HERC1: variants seen among roughly 807,000 people sequenced by gnomAD.
HERC1 encodes probable E3 ubiquitin-protein ligase HERC1.
A neutral mutation model predicts 554.3 loss-of-function variants in HERC1; 160 were observed. The observed-to-expected ratio is 0.29, with a 90% CI of 0.25 to 0.33. The LOEUF (loss-of-function observed/expected upper bound fraction) is 0.33. Among genes scored for constraint, HERC1 ranks in the 10% least tolerant of loss-of-function variants. The pLI is 1.00. For synonymous variants in HERC1, 2,175 were observed against 2,131.7 expected, an observed-to-expected ratio of 1.02 and a Z score of -0.56; for missense variants, 4,919 against 5,918.5, an observed-to-expected ratio of 0.83 and a Z score of 5.54.
In HERC1 at chr15:63,680,163, A is replaced by G; in HGVS notation, c.6466-3T>C. On this transcript the variant is annotated splice_polypyrimidine_tract_variant and splice_region_variant and intron_variant, in intron 35 of 77. Transcript: ENST00000443617. This position sits in a 1 kb window ranked among gnomAD's most constrained non-coding sequence, Gnocchi z 5.8. ...TCTTCAAAAGCTAATTTGGGTTCCT[A>G]CAGTGTGGCAGCAGTGAGGAAAAGA... 1.2e-6 allele frequency: 2 copies of G among 1,610,820 alleles called. No homozygotes were observed. Among genetic ancestry groups the G allele is most frequent in the Non-Finnish European group, 1.7e-6 (2 of 1,177,446 alleles).
intron 12 of HERC1, among the ~76,000 whole-genome samples, chr15:63,740,052 A>T (rs2074732300): frequency 6.6e-6 from 1 of 152,094 alleles, no homozygotes; most frequent in African/African-American, 2.4e-5. Flanking sequence ...CTGGGACTAC[A>T]GGCATGCGCC....
rs1328310008 is a variant in HERC1 at position 63,775,672 on chromosome 15, A to T, written c.-26-23T>A. ...GTCCTGCAAAGGGAGAAGAGAAAAC[A>T]GTCAAAAACATACAGAGGACTCATA... On this transcript the variant is annotated intron_variant, in intron 1 of 77. Transcript: ENST00000443617. This position sits in a 1 kb window ranked among gnomAD's most constrained non-coding sequence, Gnocchi z 4.0. The T allele has an allele frequency of 7.2e-7, 1 of 1,387,874 alleles. No individual in the cohort carries two copies. Among genetic ancestry groups the T allele is most frequent in the African/African-American group, 1.4e-5 (1 of 69,062 alleles). The allele number at this position is 1,387,874 out of a possible 1,614,324, so 86.0% of individuals were successfully genotyped here.
chr15:63,829,499 T>TATATATATATATATATACACAC (rs1336272062), intron 1 of HERC1, among the ~76,000 whole-genome samples: 1 of 53,370 alleles, frequency 1.9e-5, no homozygotes, highest in Admixed American at 1.8e-4. Flanking sequence ...TATATATATA[T>TATATATATATATATATACACAC]ACACACACAC....
At chr15:63,708,517 T>C (rs1205796399) in intron 24 of HERC1, among the ~76,000 whole-genome samples, 3 of 152,152 alleles carry the variant, frequency 2.0e-5, no homozygotes, top group Admixed American at 6.5e-5. Context: ...AGCTAGGGAA[T>C]AGACTAGAAG....
chr15:63,630,523 T>C lies in HERC1; in HGVS notation c.12909A>G (p.Thr4303=). 1 of 1,614,002 alleles carries C rather than the reference T, an allele frequency of 6.2e-7. No individual in the cohort carries two copies. Among genetic ancestry groups the C allele is most frequent in the Non-Finnish European group, 8.5e-7 (1 of 1,179,872 alleles). The change falls in exon 69 of 78, where the codon ACA becomes ACG. Residue 4303 remains threonine, a synonymous_variant. Transcript: ENST00000443617. ...IEDVAVGAEH[T]LALASNGDVY... ...CATCTCCATTTGATGCCAAAGCAAG[T>C]GTGTGTTCAGCTCCAACTGCCACAT... is the stretch of plus-strand genomic sequence containing the variant.
In HERC1 at chr15:63,774,917, T is replaced by C; in HGVS notation, c.707A>G (p.Asn236Ser). 6.2e-7 allele frequency: 1 copy of C among 1,614,010 alleles called. No individual in the cohort carries two copies. The highest frequency in any genetic ancestry group is 1.6e-4 in the Middle Eastern group (1 of 6,062). ...ACGACCTAAAGTGTCTGCCCCAGAA[T>C]TAGGAATAGTGACTCCTTTAAGAAA... The part of the protein sequence containing the change: ...TTFLKGVTIP[N>S]SGADTLGRRL... Residue 236 changes from asparagine to serine, a missense_variant, in exon 2 of 78, where the codon AAT becomes AGT. Coordinates refer to ENST00000443617, the MANE Select transcript of HERC1 (RefSeq NM_003922.4).
intron 30 of HERC1, among the ~76,000 whole-genome samples, chr15:63,693,606 G>A (rs2072247444): frequency 6.8e-6 from 1 of 148,002 alleles, no homozygotes; most frequent in Non-Finnish European, 1.5e-5. Flanking sequence ...GGTTAGAGAT[G>A]GCTTGTCAGG....
chr15:63,670,223 A>G (rs974422241), intron 39 of HERC1, among the ~76,000 whole-genome samples: 2 of 152,286 alleles, frequency 1.3e-5, no homozygotes, highest in Middle Eastern at 3.4e-3. Flanking sequence ...TACATGAATG[A>G]TATGTCAGCG....
Position 63,640,210 on chromosome 15 carries a change from T to C in HERC1, c.11843A>G (p.Glu3948Gly), listed in dbSNP as rs1361626731. The C allele has an allele frequency of 3.1e-6, 5 of 1,613,964 alleles. No homozygotes were observed. In the South Asian group the frequency reaches 5.5e-5, roughly 18 times the overall value. Residue 3948 changes from glutamate (E) to glycine (G), a missense_variant, in exon 61 of 78, where the codon GAA becomes GGA. By Grantham distance (98) the Glu-to-Gly change is moderately conservative. Coordinates refer to ENST00000443617, the MANE Select transcript of HERC1 (RefSeq NM_003922.4). ...TTCTAGATCTGGAACGGTAAAAGAT[T>C]CTGGAAACTGGGCTCCATTGGTCAG... ...EALTNGAQFP[E>G]SFTVPDLEPV...
At chr15:63,723,093 CTAT>C in intron 19 of HERC1, 86 bp downstream of exon 19, 1 of 768,032 alleles carries the variant, frequency 1.3e-6, no homozygotes. Context: ...AGGGTGATCC[CTAT>C]AATTTTCACT....
chr15:63,640,049 T>G, intron 61 of HERC1, 103 bp downstream of exon 61: 9 of 1,118,748 alleles, frequency 8.0e-6, no homozygotes, highest in Non-Finnish European at 1.0e-5. Flanking sequence ...AGGGTATCCT[T>G]CTAGCCATGC....
At position 63,675,102 on chromosome 15, in the gene HERC1, C is replaced by T; in HGVS notation, c.7086G>A (p.Trp2362Ter). 1 of 1,581,164 alleles carries T rather than the reference C, an allele frequency of 6.3e-7. No individual in the cohort carries two copies. The highest frequency in any genetic ancestry group is 8.6e-7 in the Non-Finnish European group (1 of 1,162,010). Residue 2362 changes from tryptophan to a stop codon, truncating the protein, a stop_gained, in exon 38 of 78, where the codon TGG (tryptophan) becomes TGA (stop). Transcript: ENST00000443617. LOFTEE classifies it high-confidence loss of function. ...TATACAATGGAGTATCACTAGGCGA[C>T]CAAAAAGTTGGGAAGCTTTAATAAA... ...AEITISFPTF[W>*]SPSDTPLYNL...
Position 63,775,314 on chromosome 15 carries a change from T to C in HERC1, c.310A>G (p.Arg104Gly), listed in dbSNP as rs777186879. Residue 104 changes from arginine to glycine, a missense_variant, in exon 2 of 78, where the codon AGA (arginine) becomes GGA (glycine). Around this residue, in one of 11 missense-constraint regions of HERC1, gnomAD observed 744 missense variants for 1,090.0 expected, o/e 0.68. Coordinates refer to ENST00000443617, the MANE Select transcript of HERC1 (RefSeq NM_003922.4). The surrounding 1 kb of genome is among the most constrained non-coding windows in gnomAD (Gnocchi z 4.0). ...CSDSPFAGAL[R>G]KRLLVLQRVF... Reference sequence around the variant, plus strand: ...CGCTGGAGTACAAGCAGTCGTTTTCTAAGTGCCCCGGCAAATGGGGAATCT... The same window carrying C: ...CGCTGGAGTACAAGCAGTCGTTTTCCAAGTGCCCCGGCAAATGGGGAATCT... 1 of 1,614,018 alleles carries C rather than the reference T, an allele frequency of 6.2e-7. No homozygotes were observed. Among genetic ancestry groups the C allele is most frequent in the Non-Finnish European group, 8.5e-7 (1 of 1,179,876 alleles).
intron 10 of HERC1, among the ~76,000 whole-genome samples, chr15:63,748,961 C>CA (rs11353871): frequency 3.6e-4 from 49 of 137,890 alleles, no homozygotes; most frequent in South Asian, 1.2e-3. Flanking sequence ...ATTTTTTTTC[C>CA]AAAAAAAAAA....
rs186294645 is a variant in HERC1, at chr15:63,823,945, G to A, written c.-27+9882C>T. Among the ~76,000 whole-genome samples the A allele has an allele frequency of 7.2e-5, 11 of 152,182 alleles. No homozygotes were observed. In the East Asian group the frequency reaches 1.9e-3, roughly 27 times the overall value. ...AAAATGCGTAAGGAACTCACACAAC[G>A]CAATAGCAAAAAACAAAAATGAATA... On this transcript the variant is annotated intron_variant, in intron 1 of 77. Coordinates refer to ENST00000443617, the MANE Select transcript of HERC1 (RefSeq NM_003922.4).
In HERC1 at chr15:63,705,800, T is replaced by A. The variant is rs771442925; in HGVS notation, c.4636+980A>T. Reference sequence around the variant, plus strand: ...ATCCCAGCACTTTGGGAGGCCAAGGTGGGAGGACTGCTTGAGCCCAGGAGT... The same window carrying A: ...ATCCCAGCACTTTGGGAGGCCAAGGAGGGAGGACTGCTTGAGCCCAGGAGT... On this transcript the variant is annotated intron_variant, in intron 25 of 77. Transcript: ENST00000443617. Among the ~76,000 whole-genome samples the A allele has an allele frequency of 1.8e-4, 27 of 151,900 alleles. No individual in the cohort carries two copies. The South Asian group carries it at 2.5e-3, about 14-fold the overall frequency.
chr15:63,660,050 G>A, intron 46 of HERC1, 114 bp from the exon 47 acceptor site: 1 of 841,248 alleles, frequency 1.2e-6, no homozygotes, highest in Admixed American at 2.1e-5. Context: ...CAGATGCGAT[G>A]GCTCACGCCT....
At chr15:63,626,222 A>G in intron 70 of HERC1, 68 bp from the exon 71 acceptor site, 1 of 1,481,646 alleles carries the variant, frequency 6.7e-7, no homozygotes, top group East Asian at 2.3e-5. Context: ...ATTTTGAAAA[A>G]TTTCAAGCAT....
chr15:63,731,515 T>C (rs892421013), intron 14 of HERC1, among the ~76,000 whole-genome samples: 1 of 152,228 alleles, frequency 6.6e-6, no homozygotes, highest in African/African-American at 2.4e-5. Flanking sequence ...CATTAACAAA[T>C]GGCTATATAC....
Sources: gnomAD v4.1 joint callset for allele counts (sites outside exome capture counted in the v4.1 genomes callset) on GRCh38, gnomAD v4.1.1 for gene constraint, gnomAD v4.1.1 regional missense constraint, Gnocchi (gnomAD v3.1) non-coding constraint, MANE v1.5 for transcripts, NCBI Gene and HGNC (gene_info 2026-07-23, HGNC 2026-07-21) for gene names.